Variants in ARHGEF12 observed in about 807,000 individuals in gnomAD.
ARHGEF12 encodes the protein Rho guanine nucleotide exchange factor 12, also known as KMT2A/ARHGEF12 fusion protein.
ARHGEF12 carries 66 observed loss-of-function variants against 211.2 expected under a neutral mutation model. That is an observed-to-expected ratio of 0.31 (90% confidence interval 0.26 to 0.38). The LOEUF is 0.38. Ranked by LOEUF, ARHGEF12 falls within the 10% of genes least tolerant of loss-of-function variation. The pLI is 1.00. For synonymous variants in ARHGEF12, 592 were observed against 638.4 expected (o/e 0.93, Z 1.09); for missense variants, 1,429 against 1,869.5 (o/e 0.76, Z 4.34).
At chr11:120,462,903 A>C (rs1243412087) in intron 27 of ARHGEF12, 2 of 152,204 alleles carry the variant, frequency 1.3e-5, no homozygotes, top group Non-Finnish European at 1.5e-5. Context: ...TTGAATTTTG[A>C]ATTTTAATCT....
Position 120,383,056 on chromosome 11 carries a change from G to A in ARHGEF12, c.33-23062G>A, listed in dbSNP as rs576841745. 2.2e-3 allele frequency among the ~76,000 whole-genome samples: 340 copies of A among 152,196 alleles called. 4 individuals are homozygous for A. The highest frequency in any genetic ancestry group is 7.8e-3 in the African/African-American group (325 of 41,540). On this transcript the variant is annotated intron_variant, in intron 1 of 40. Transcript: ENST00000397843. ...TGGGAGGCTGAGGCAGGGGAATGGCGCGAACCCAGGAGGCGGAGCTTGCAG... is the reference window on the plus strand; with the variant it reads ...TGGGAGGCTGAGGCAGGGGAATGGCACGAACCCAGGAGGCGGAGCTTGCAG...
intron 11 of ARHGEF12, among the ~76,000 whole-genome samples, chr11:120,436,494 C>A (rs529241790): frequency 1.9e-4 from 29 of 152,260 alleles, no homozygotes; most frequent in Admixed American, 8.5e-4. Context: ...CTCATCTCCA[C>A]AAAGTGAGTT....
chr11:120,361,164 A>G (rs1364515814), intron 1 of ARHGEF12, among the ~76,000 whole-genome samples: 2 of 152,244 alleles, frequency 1.3e-5, no homozygotes, highest in Non-Finnish European at 2.9e-5. Flanking sequence ...AAAGTAGTTT[A>G]TAGCAGGGGT....
At chr11:120,455,228 T>C (rs1290712216) in intron 22 of ARHGEF12, among the ~76,000 whole-genome samples, 1 of 151,946 alleles carries the variant, frequency 6.6e-6, no homozygotes, top group African/African-American at 2.4e-5. Flanking sequence ...TTTCCCAGAG[T>C]TGAAAAAGAA....
At chr11:120,434,793 G>A (rs904330437) in intron 11 of ARHGEF12, among the ~76,000 whole-genome samples, 5 of 152,114 alleles carry the variant, frequency 3.3e-5, no homozygotes, top group African/African-American at 1.2e-4. Flanking sequence ...CAGTTTGTGA[G>A]TGATATTTTT....
Position 120,409,242 on chromosome 11 carries a change from A to T in ARHGEF12, c.143-152A>T. 4.8e-6 allele frequency: 3 copies of T among 630,110 alleles called. No individual in the cohort carries two copies. The South Asian group carries it at 6.5e-5, about 14-fold the overall frequency. The allele number at this position is 630,110 out of a possible 1,614,324, so 39.0% of individuals were successfully genotyped here. ...TATGTCATTACCTGTGCTGTTTGTG[A>T]CTATTCTAAGTGCTGTCATCTGTTA... On this transcript the variant is annotated intron_variant, in intron 3 of 40. Transcript: ENST00000397843.
chr11:120,445,153 A>G (rs1946005582), intron 15 of ARHGEF12, among the ~76,000 whole-genome samples: 1 of 152,218 alleles, frequency 6.6e-6, no homozygotes, highest in Admixed American at 6.5e-5. Context: ...CAGTATATTC[A>G]TTAAGTGTGT....
At chr11:120,383,070 C>T (rs141136495) in intron 1 of ARHGEF12, among the ~76,000 whole-genome samples, 153 of 152,194 alleles carry the variant, frequency 1.0e-3, no homozygotes, top group African/African-American at 3.4e-3. Context: ...ACCCAGGAGG[C>T]GGAGCTTGCA....
rs199551576 is a variant in ARHGEF12 at position 120,337,293 on chromosome 11, CTTCG to C, written c.32+23_32+26del. The C allele has an allele frequency of 1.3e-3, 2,038 of 1,613,940 alleles. 29 individuals carry two copies. The Admixed American group carries it at 0.024, about 19-fold the overall frequency. On this transcript the variant is annotated intron_variant, in intron 1 of 40. Coordinates refer to ENST00000397843, the MANE Select transcript of ARHGEF12 (RefSeq NM_015313.3). Reference sequence around the variant, plus strand: ...ACCGACAGGTTGGTATGAATTCCTCCTTCGTTCGGCCTCCCGGAATCGGGCCCGA... The same window carrying C: ...ACCGACAGGTTGGTATGAATTCCTCCTTCGGCCTCCCGGAATCGGGCCCGA...
intron 1 of ARHGEF12, among the ~76,000 whole-genome samples, chr11:120,361,043 A>T (rs2135361917): frequency 6.6e-6 from 1 of 152,328 alleles, no homozygotes; most frequent in South Asian, 2.1e-4. Context: ...ACAACTCTCA[A>T]GTCTGCGTAC....
At chr11:120,381,903 A>G (rs12291110) in intron 1 of ARHGEF12, among the ~76,000 whole-genome samples, 1 of 152,204 alleles carries the variant, frequency 6.6e-6, no homozygotes. Context: ...GGAATGATAC[A>G]GTCTTTGGAT....
chr11:120,457,209 T>A lies in ARHGEF12; in HGVS notation c.2148T>A (p.Pro716=), dbSNP rs1946389206. ...TLNTVFDFPP[P]PLDQVQEEEC... ...ATACTGTCTTTGATTTCCCACCACC[T>A]CCATTAGACCAAGTGCAGGAGGAGG... Residue 716 remains proline (P), a synonymous_variant, in exon 23 of 41, where the codon CCT becomes CCA. Transcript: ENST00000397843. 6.2e-7 allele frequency: 1 copy of A among 1,614,084 alleles called. No homozygotes were observed. Among genetic ancestry groups the A allele is most frequent in the African/African-American group, 1.3e-5 (1 of 75,036 alleles).
chr11:120,439,920 G>T, intron 12 of ARHGEF12: 1 of 475,924 alleles, frequency 2.1e-6, no homozygotes. Flanking sequence ...AAAAAAACTC[G>T]TTGTTGTGGT....
At chr11:120,397,673 G>A (rs1472537414) in intron 1 of ARHGEF12, among the ~76,000 whole-genome samples, 1 of 152,086 alleles carries the variant, frequency 6.6e-6, no homozygotes, top group African/African-American at 2.4e-5. Flanking sequence ...AAAAAACAAA[G>A]CAGCTCTGAT....
At chr11:120,383,841 A>G (rs1263782040) in intron 1 of ARHGEF12, among the ~76,000 whole-genome samples, 3 of 152,094 alleles carry the variant, frequency 2.0e-5, no homozygotes, top group Non-Finnish European at 4.4e-5. Flanking sequence ...AGAGGGGAAC[A>G]GTGGAAGATT....
chr11:120,475,172 A>G (rs1468945372), intron 32 of ARHGEF12, among the ~76,000 whole-genome samples, 168 bp from the exon 33 acceptor site: 2 of 152,246 alleles, frequency 1.3e-5, no homozygotes, highest in Admixed American at 1.3e-4. Context: ...GTGAAATAAA[A>G]TAAAAATGAA....
chr11:120,355,291 A>G (rs574685422), intron 1 of ARHGEF12, among the ~76,000 whole-genome samples: 30 of 152,264 alleles, frequency 2.0e-4, no homozygotes, highest in African/African-American at 4.8e-4. Flanking sequence ...TTGCTTTTAT[A>G]TGTTTATTTG....
rs1188934387 is a variant in ARHGEF12 at position 120,441,824 on chromosome 11, T to C, written c.1203+7T>C. On this transcript the variant is annotated splice_region_variant and intron_variant, in intron 14 of 40. Transcript: ENST00000397843. ...ATTTGACCCTGCGACTTTGGTAATA[T>C]ATTTTACAATCTAGCAGATTCAGAG... 1.9e-6 allele frequency: 3 copies of C among 1,609,790 alleles called. No homozygotes were observed. The highest frequency in any genetic ancestry group is 1.1e-5 in the South Asian group (1 of 90,966).
At chr11:120,359,447 G>A (rs1943220621) in intron 1 of ARHGEF12, among the ~76,000 whole-genome samples, 1 of 152,052 alleles carries the variant, frequency 6.6e-6, no homozygotes, top group Non-Finnish European at 1.5e-5. Flanking sequence ...TTGCCATGTT[G>A]CCTAGGCTGG....
Sources: gnomAD v4.1 joint callset for allele counts (sites outside exome capture counted in the v4.1 genomes callset) on GRCh38, gnomAD v4.1.1 for gene constraint, MANE v1.5 for transcripts, NCBI Gene and HGNC (gene_info 2026-07-23, HGNC 2026-07-21) for gene names.